The following KDR variants were observed in gnomAD, a reference collection of about 807,000 sequenced individuals.
KDR encodes vascular endothelial growth factor receptor 2.
Under a neutral mutation model 160.9 loss-of-function variants are expected in KDR, and 43 were observed. The observed-to-expected ratio is 0.27, with a 90% confidence interval of 0.21 to 0.34. The LOEUF (loss-of-function observed/expected upper bound fraction) is 0.34. KDR is among the 10% of genes least tolerant of loss of function. KDR has a pLI of 1.00. For synonymous variants in KDR, 617 were observed against 600.1 expected (o/e 1.03, Z -0.41); for missense variants, 1,469 against 1,666.4 (o/e 0.88, Z 2.06).
chr4:55,084,858 G>T (rs1719819638), intron 27 of KDR, among the ~76,000 whole-genome samples: 1 of 152,156 alleles, frequency 6.6e-6, no homozygotes, highest in Non-Finnish European at 1.5e-5. Flanking sequence ...GCAGTAGCAG[G>T]GTCAGGGGTG....
intron 13 of KDR, 98 bp downstream of exon 13, chr4:55,104,545 T>A (rs1444577477): frequency 5.5e-6 from 5 of 916,198 alleles, no homozygotes; most frequent in South Asian, 4.2e-5. Context: ...TACAACATAA[T>A]CTCCTAGAGG....
intron 1 of KDR, 139 bp downstream of exon 1, chr4:55,125,088 C>A: frequency 3.7e-6 from 3 of 819,242 alleles, no homozygotes; most frequent in Non-Finnish European, 6.1e-6. Flanking sequence ...TCAGTTTCCC[C>A]ACTGGTAAAT....
intron 7 of KDR, among the ~76,000 whole-genome samples, chr4:55,112,716 G>A (rs1720624721): frequency 6.6e-6 from 1 of 151,982 alleles, no homozygotes; most frequent in Non-Finnish European, 1.5e-5. Flanking sequence ...TTTTAGTAGA[G>A]ATGGGGTTCC....
At chr4:55,113,193 A>G in intron 7 of KDR, 111 bp downstream of exon 7, 2 of 1,231,186 alleles carry the variant, frequency 1.6e-6, no homozygotes, top group Non-Finnish European at 2.4e-6. Flanking sequence ...TAACAAGAAA[A>G]ACTAGAAACT....
Position 55,079,986 on chromosome 4 carries a change from A to T in KDR, c.4026T>A (p.Ile1342=), listed in dbSNP as rs1317707304. Residue 1342 remains isoleucine, a synonymous_variant, in exon 30 of 30, where the codon ATT becomes ATA. Transcript: ENST00000263923. ...GTGTGGTCCCCGAGTCAGGCTGGAG[A>T]ATCTGGGCTGTGCTACCGGTTTGCA... ...IGVQTGSTAQ[I]LQPDSGTTLS... 1 of 1,614,004 alleles carries T rather than the reference A, an allele frequency of 6.2e-7. No individual in the cohort carries two copies. The highest frequency in any genetic ancestry group is 8.5e-7 in the Non-Finnish European group (1 of 1,180,012).
intron 1 of KDR, among the ~76,000 whole-genome samples, chr4:55,124,930 AGCCTCCCAAGAGCCT>A (rs1315070068): frequency 6.6e-6 from 1 of 151,964 alleles, no homozygotes; most frequent in African/African-American, 2.4e-5. Context: ...TTCCCACCCC[AGCCTCCCAAGAGCCT>A]GAGGGTGTGT....
rs561000542 is a variant in KDR, at chr4:55,087,471, G to C, written c.3662+136C>G. ...CTCTTCCAGGAGCATTCCCCATTAT[G>C]TTAACCTCAGGGCTAAGGTTATGTG... On this transcript the variant is annotated intron_variant, in intron 27 of 29. Transcript: ENST00000263923. The C allele has an allele frequency of 6.6e-6, 5 of 757,542 alleles. No individual in the cohort carries two copies. In the South Asian group the frequency reaches 7.3e-5, roughly 11 times the overall value. The allele number at this position is 757,542 out of a possible 1,614,324, so 46.9% of individuals were successfully genotyped here. A position where few individuals can be genotyped will look rare whatever the true frequency, so the allele number is the denominator to read the frequency against.
intron 4 of KDR, 66 bp from the exon 5 acceptor site, chr4:55,115,108 T>C (rs1233300147): frequency 2.8e-5 from 38 of 1,379,960 alleles, no homozygotes; most frequent in Non-Finnish European, 3.2e-5. Context: ...TGTACAATGA[T>C]CACTGAAGAA....
At chr4:55,094,990 A>C (rs1484036389) in intron 20 of KDR, 35 bp from the exon 21 acceptor site, 1 of 1,602,078 alleles carries the variant, frequency 6.2e-7, no homozygotes, top group Non-Finnish European at 8.6e-7. Context: ...AAACTCCTTG[A>C]ATACAAAATG....
intron 10 of KDR, 114 bp downstream of exon 10, chr4:55,107,604 GGAGATTCAGGCTACCTCTT>G: frequency 1.0e-6 from 1 of 999,118 alleles, no homozygotes; most frequent in Non-Finnish European, 1.6e-6. Context: ...AAAGATGGAT[GGAGATTCAGGCTACCTCTT>G]GAGAGAAAAC....
chr4:55,109,623 A>G (rs1294455169), intron 9 of KDR, among the ~76,000 whole-genome samples: 1 of 152,156 alleles, frequency 6.6e-6, no homozygotes, highest in Non-Finnish European at 1.5e-5. Context: ...TAGGTTTGTT[A>G]AACCTTGAAT....
Position 55,102,229 on chromosome 4 carries a change from TC to T in KDR, c.2134+132del, listed in dbSNP as rs1720329347. On this transcript the variant is annotated intron_variant, in intron 14 of 29. Coordinates refer to ENST00000263923, the MANE Select transcript of KDR (RefSeq NM_002253.4). ...CAGGGCCCCATACTCCAATTCTAAGTCTGTGAAATGAGCCAGGTCATGGACA... is the reference window on the plus strand; with the variant it reads ...CAGGGCCCCATACTCCAATTCTAAGTTGTGAAATGAGCCAGGTCATGGACA... 3.9e-6 allele frequency: 5 copies of T among 1,292,382 alleles called. No homozygotes were observed. In the East Asian group the frequency reaches 1.2e-4, roughly 30 times the overall value. 80.1% of individuals were successfully genotyped at this position (1,292,382 alleles called of 1,614,324 possible).
At position 55,119,925 on chromosome 4, in the gene KDR, A is replaced by G. The variant is rs536842029; in HGVS notation, c.162-1125T>C. ...ATTTCCAGGAAGTTGCAGCTAAATC[A>G]ATGAAGTTACTTTTAACACACTCCA... On this transcript the variant is annotated intron_variant, in intron 2 of 29. Coordinates refer to ENST00000263923, the MANE Select transcript of KDR (RefSeq NM_002253.4). Among the ~76,000 whole-genome samples the G allele has an allele frequency of 3.3e-5, 5 of 152,352 alleles. No homozygotes were observed. In the South Asian group the frequency reaches 1.0e-3, roughly 32 times the overall value.
chr4:55,105,091 T>G, intron 12 of KDR, 107 bp from the exon 13 acceptor site: 1 of 921,878 alleles, frequency 1.1e-6, no homozygotes, highest in Non-Finnish European at 1.7e-6. Flanking sequence ...AATGAAGCTC[T>G]ATCCGTTCCA....
intron 2 of KDR, among the ~76,000 whole-genome samples, chr4:55,120,139 T>C (rs891438973): frequency 6.6e-6 from 1 of 152,198 alleles, no homozygotes; most frequent in Non-Finnish European, 1.5e-5. Flanking sequence ...GGCTGGGTAT[T>C]GGTAAGGGGC....
At chr4:55,109,165 C>T (rs980709435) in intron 9 of KDR, among the ~76,000 whole-genome samples, 2 of 152,058 alleles carry the variant, frequency 1.3e-5, no homozygotes, top group Non-Finnish European at 2.9e-5. Context: ...TATCTGCAAC[C>T]TCCACCTCCT....
At chr4:55,122,371 C>T (rs535647161) in intron 1 of KDR, among the ~76,000 whole-genome samples, 421 of 152,284 alleles carry the variant, frequency 2.8e-3, no homozygotes, top group Non-Finnish European at 5.0e-3. Context: ...GTTGGGCAGG[C>T]TCCCAAGCTT....
intron 3 of KDR, 96 bp downstream of exon 3, chr4:55,118,508 G>C (rs1405200313): frequency 1.4e-5 from 13 of 952,232 alleles, no homozygotes; most frequent in Middle Eastern, 2.8e-4. Flanking sequence ...ACAGCCTTTA[G>C]AGCAAGCCCT....
At position 55,078,654 on chromosome 4, in the gene KDR, T is replaced by A. The variant is rs1339593703; in HGVS notation, c.*1287A>T. 1 of 232,648 alleles carries A rather than the reference T, an allele frequency of 4.3e-6. No homozygotes were observed. Among genetic ancestry groups the A allele is most frequent in the Non-Finnish European group, 8.5e-6 (1 of 117,770 alleles). 14.4% of individuals were successfully genotyped at this position (232,648 alleles called of 1,614,324 possible). ...AAACAGACTATAAATATATGTGCCA[T>A]AGCATGTCTTATAGTCATTGTTCCC... is the stretch of plus-strand genomic sequence containing the variant. On this transcript the variant is annotated 3_prime_UTR_variant, in exon 30 of 30. Coordinates refer to ENST00000263923, the MANE Select transcript of KDR (RefSeq NM_002253.4).
Sources: gnomAD v4.1 joint callset for allele counts (sites outside exome capture counted in the v4.1 genomes callset) on GRCh38, gnomAD v4.1.1 for gene constraint, MANE v1.5 for transcripts, NCBI Gene and HGNC (gene_info 2026-07-23, HGNC 2026-07-21) for gene names.